The following RERE variants were observed in gnomAD, a reference collection of about 807,000 sequenced individuals.
RERE encodes the protein arginine-glutamic acid dipeptide repeats protein.
Under a neutral mutation model 146.1 loss-of-function variants are expected in RERE, and 40 were observed. The observed-to-expected ratio is 0.27, with a 90% CI of 0.21 to 0.36. The LOEUF is 0.36. RERE is among the 10% of genes least tolerant of loss of function. The pLI, the probability that RERE is intolerant of heterozygous loss-of-function variation, is 1.00. For synonymous variants in RERE, 1,003 were observed against 866.0 expected (o/e 1.16, Z -2.78); for missense variants, 1,933 against 2,138.7 (o/e 0.90, Z 1.90).
At chr1:8,665,927 A>G (rs1638561323) in intron 1 of RERE, among the ~76,000 whole-genome samples, 1 of 152,226 alleles carries the variant, frequency 6.6e-6, no homozygotes, top group Non-Finnish European at 1.5e-5. Context: ...TTATTCAGTC[A>G]GTACTACTGT....
rs375890956 is a variant in RERE at position 8,758,559 on chromosome 1, CTTTTTA to C, written c.-145+58595_-145+58600del. ...GGTGTGCGCCACCACACCTAGCTAA[CTTTTTA>C]TTTTTATTTTTTGTAGTGACGAGGT... On this transcript the variant is annotated intron_variant, in intron 1 of 22. Coordinates refer to ENST00000400908, the MANE Select transcript of RERE (RefSeq NM_001042681.2). Among the ~76,000 whole-genome samples, 27 of 151,776 alleles carry C rather than the reference CTTTTTA, an allele frequency of 1.8e-4. No homozygotes were observed. The East Asian group carries it at 3.1e-3, about 17-fold the overall frequency.
At chr1:8,465,607 T>C (rs1344700443) in intron 11 of RERE, 4 of 402,406 alleles carry the variant, frequency 9.9e-6, no homozygotes, top group African/African-American at 8.3e-5. Context: ...TGTCTTTAAA[T>C]AGGGAGGTAT....
chr1:8,726,938 T>G (rs2124481443), intron 1 of RERE, among the ~76,000 whole-genome samples: 1 of 152,018 alleles, frequency 6.6e-6, no homozygotes, highest in African/African-American at 2.4e-5. Flanking sequence ...CCAGAGTAGC[T>G]GGGATCACAG....
At chr1:8,731,181 G>A (rs1640071486) in intron 1 of RERE, among the ~76,000 whole-genome samples, 1 of 152,184 alleles carries the variant, frequency 6.6e-6, no homozygotes, top group Non-Finnish European at 1.5e-5. Flanking sequence ...GTGTGGACTA[G>A]CTTGAGAGTT....
At chr1:8,521,851 C>T (rs1272496495) in intron 7 of RERE, among the ~76,000 whole-genome samples, 2 of 152,174 alleles carry the variant, frequency 1.3e-5, no homozygotes, top group African/African-American at 4.8e-5. Flanking sequence ...TTGCCAGGTA[C>T]TCTACTAGAA....
intron 4 of RERE, among the ~76,000 whole-genome samples, chr1:8,581,115 T>A (rs1036531589): frequency 6.6e-6 from 1 of 152,234 alleles, no homozygotes; most frequent in Non-Finnish European, 1.5e-5. Flanking sequence ...CAACAATGTA[T>A]GAGAACTTGC....
chr1:8,474,857 A>T (rs1644732922), intron 10 of RERE, among the ~76,000 whole-genome samples: 1 of 152,250 alleles, frequency 6.6e-6, no homozygotes, highest in South Asian at 2.1e-4. Flanking sequence ...GACTGCATTC[A>T]GGCTAATTAA....
intron 1 of RERE, among the ~76,000 whole-genome samples, chr1:8,710,752 T>G (rs1420317177): frequency 6.6e-6 from 1 of 152,134 alleles, no homozygotes; most frequent in Non-Finnish European, 1.5e-5. Context: ...CCTGACCTCT[T>G]GATCCGCCTG....
intron 4 of RERE, among the ~76,000 whole-genome samples, chr1:8,589,134 C>T (rs185226476): frequency 1.3e-5 from 2 of 151,650 alleles, no homozygotes; most frequent in Non-Finnish European, 2.9e-5. Context: ...AAAAAACAAA[C>T]AAACAAACAA....
At chr1:8,706,180 G>C (rs962342164) in intron 1 of RERE, among the ~76,000 whole-genome samples, 1 of 151,266 alleles carries the variant, frequency 6.6e-6, no homozygotes, top group African/African-American at 2.4e-5. Context: ...TAAGCCAAGA[G>C]TGGTGGTTCA....
At chr1:8,755,690 CAA>C (rs1023140083) in intron 1 of RERE, among the ~76,000 whole-genome samples, 2 of 152,134 alleles carry the variant, frequency 1.3e-5, no homozygotes, top group African/African-American at 4.8e-5. Flanking sequence ...GAAGAGCAAA[CAA>C]GACTTTCTAG....
intron 10 of RERE, among the ~76,000 whole-genome samples, chr1:8,472,841 T>C (rs1381363274): frequency 4.0e-5 from 6 of 151,270 alleles, no homozygotes; most frequent in Non-Finnish European, 7.4e-5. Context: ...ACCACAGGTG[T>C]GTGGCAGTGG....
At position 8,766,590 on chromosome 1, in the gene RERE, G is replaced by C. The variant is rs554055393; in HGVS notation, c.-145+50570C>G. On this transcript the variant is annotated intron_variant, in intron 1 of 22. Transcript: ENST00000400908. ...AAAAGAAAAAAAAGAGAGAGAGAGA[G>C]ACAGTGGCCTGAACTAGCGTAATGG... Among the ~76,000 whole-genome samples the C allele has an allele frequency of 3.7e-4, 55 of 150,518 alleles. No individual in the cohort carries two copies. The South Asian group carries it at 0.011, about 31-fold the overall frequency.
At chr1:8,673,535 A>C (rs1638768470) in intron 1 of RERE, among the ~76,000 whole-genome samples, 1 of 152,246 alleles carries the variant, frequency 6.6e-6, no homozygotes, top group African/African-American at 2.4e-5. Context: ...ACCTGGGAAT[A>C]AAAAAGAGAA....
At chr1:8,599,766 G>C (rs1646599609) in intron 4 of RERE, among the ~76,000 whole-genome samples, 1 of 152,174 alleles carries the variant, frequency 6.6e-6, no homozygotes, top group South Asian at 2.1e-4. Flanking sequence ...TCAGCAGAAG[G>C]AGACAGTCTT....
chr1:8,602,313 C>T (rs2124145922), intron 4 of RERE, among the ~76,000 whole-genome samples: 1 of 151,710 alleles, frequency 6.6e-6, no homozygotes, highest in East Asian at 1.9e-4. Flanking sequence ...ATCACTTGAA[C>T]CTGGGAGGTG....
intron 1 of RERE, among the ~76,000 whole-genome samples, chr1:8,685,571 C>A (rs543484900): frequency 6.6e-5 from 10 of 151,966 alleles, no homozygotes; most frequent in South Asian, 4.2e-4. Context: ...AACACACACA[C>A]AAAAAAACAA....
At position 8,523,409 on chromosome 1, in the gene RERE, G is replaced by C. The variant is rs1645530902; in HGVS notation, c.831-14734C>G. On this transcript the variant is annotated intron_variant, in intron 7 of 22. Coordinates refer to ENST00000400908, the MANE Select transcript of RERE (RefSeq NM_001042681.2). The stretch of plus-strand genomic sequence containing the variant: ...TCTCTATTTTTTGAAACATCTACTT[G>C]CTACATTCCCAACATTTCCTGATAT... 3.9e-5 allele frequency among the ~76,000 whole-genome samples: 6 copies of C among 152,234 alleles called. No individual in the cohort carries two copies. The South Asian group carries it at 1.0e-3, about 26-fold the overall frequency.
At chr1:8,426,935 T>A (rs17032549) in intron 11 of RERE, among the ~76,000 whole-genome samples, 4,615 of 152,294 alleles carry the variant, frequency 0.03, 246 homozygotes, top group African/African-American at 0.11. Context: ...AAAAAGTCCA[T>A]AAACTCTTAA....
Sources: gnomAD v4.1 joint callset for allele counts (sites outside exome capture counted in the v4.1 genomes callset) on GRCh38, gnomAD v4.1.1 for gene constraint, MANE v1.5 for transcripts, NCBI Gene and HGNC (gene_info 2026-07-23, HGNC 2026-07-21) for gene names.